Variants in NSMAF observed in about 807,000 individuals in gnomAD.
The protein encoded by NSMAF is neutral sphingomyelinase activation associated factor, also known as protein FAN.
A neutral mutation model predicts 134.9 loss-of-function variants in NSMAF; 90 were observed. The ratio of observed to expected loss-of-function variants is 0.67; its 90% confidence interval spans 0.56 to 0.79. NSMAF has a LOEUF of 0.79. Ranked by LOEUF, NSMAF falls within the 30% of genes least tolerant of loss-of-function variation. NSMAF has a pLI of 0.00. For missense variants in NSMAF, 1,010 were observed against 1,119.0 expected, an observed-to-expected ratio of 0.90 and a Z score of 1.39; for synonymous variants, 358 against 389.6, an observed-to-expected ratio of 0.92 and a Z score of 0.96.
chr8:58,645,042 C>T (rs1373226201), intron 1 of NSMAF, among the ~76,000 whole-genome samples: 1 of 151,484 alleles, frequency 6.6e-6, no homozygotes, highest in Non-Finnish European at 1.5e-5. Flanking sequence ...CAGCAAACCA[C>T]CATGGCACGT....
intron 1 of NSMAF, among the ~76,000 whole-genome samples, chr8:58,653,497 C>T (rs1807632297): frequency 6.6e-6 from 1 of 151,572 alleles, no homozygotes; most frequent in Admixed American, 6.6e-5. Flanking sequence ...TGGAAAATCC[C>T]ATACAAAGCA....
intron 2 of NSMAF, among the ~76,000 whole-genome samples, chr8:58,639,590 A>C (rs1585759174): frequency 6.6e-6 from 1 of 152,198 alleles, no homozygotes; most frequent in East Asian, 1.9e-4. Context: ...CTATCCAGCA[A>C]TCCCACTTCT....
Position 58,584,038 on chromosome 8 carries a change from G to C in NSMAF, c.*68C>G, listed in dbSNP as rs563487175. On this transcript the variant is annotated 3_prime_UTR_variant, in exon 31 of 31. Transcript: ENST00000038176. ...ACTAACATTGCACATTCACCAGTCC[G>C]TTTAAAAGTTTGGTTTAAAAATGCA... The C allele has an allele frequency of 6.8e-6, 8 of 1,183,718 alleles. No homozygotes were observed. Among genetic ancestry groups the C allele is most frequent in the African/African-American group, 1.5e-5 (1 of 66,410 alleles). The allele number at this position is 1,183,718 out of a possible 1,614,324, so 73.3% of individuals were successfully genotyped here. A position where few individuals can be genotyped will look rare whatever the true frequency, so the allele number is the denominator to read the frequency against.
intron 5 of NSMAF, among the ~76,000 whole-genome samples, chr8:58,633,335 G>A (rs1807099789): frequency 6.6e-6 from 1 of 152,250 alleles, no homozygotes; most frequent in South Asian, 2.1e-4. Flanking sequence ...CTCTGTACCT[G>A]GAATACCAGT....
chr8:58,635,145 G>C lies in NSMAF; in HGVS notation c.333+44C>G, dbSNP rs754820759. 3 of 1,401,758 alleles carry C rather than the reference G, an allele frequency of 2.1e-6. No homozygotes were observed. The Admixed American group carries it at 5.2e-5, about 24-fold the overall frequency. The allele number at this position is 1,401,758 out of a possible 1,614,324, so 86.8% of individuals were successfully genotyped here. On this transcript the variant is annotated intron_variant, in intron 5 of 30. Coordinates refer to ENST00000038176, the MANE Select transcript of NSMAF (RefSeq NM_003580.4). The stretch of plus-strand genomic sequence containing the variant: ...TAATTTCATTCATGCACATATATAA[G>C]AATGTTCATTCAGATTAGGAAAAAA...
chr8:58,598,666 T>G (rs1412100208), intron 19 of NSMAF, among the ~76,000 whole-genome samples: 1 of 152,102 alleles, frequency 6.6e-6, no homozygotes, highest in African/African-American at 2.4e-5. Flanking sequence ...AAAGACCTCT[T>G]GGGGCCAGGA....
intron 24 of NSMAF, among the ~76,000 whole-genome samples, 166 bp downstream of exon 24, chr8:58,590,701 A>T (rs983940306): frequency 6.6e-6 from 1 of 152,248 alleles, no homozygotes; most frequent in Non-Finnish European, 1.5e-5. Context: ...TAACCTGAAA[A>T]AAATTTTACA....
intron 10 of NSMAF, among the ~76,000 whole-genome samples, chr8:58,609,237 T>C (rs929859567): frequency 7.9e-5 from 12 of 152,202 alleles, no homozygotes; most frequent in Non-Finnish European, 1.8e-4. Flanking sequence ...AGCAAATATA[T>C]TTCAAAATCT....
intron 9 of NSMAF, among the ~76,000 whole-genome samples, chr8:58,617,723 T>C (rs1160832580): frequency 6.6e-6 from 1 of 152,136 alleles, no homozygotes; most frequent in Non-Finnish European, 1.5e-5. Context: ...GGAGTGTAAA[T>C]TAGTTCAACC....
At chr8:58,604,109 G>T (rs1481978957) in intron 12 of NSMAF, among the ~76,000 whole-genome samples, 2 of 152,132 alleles carry the variant, frequency 1.3e-5, no homozygotes, top group Non-Finnish European at 2.9e-5. Flanking sequence ...CTTTCCTGAT[G>T]CATTAAGCAT....
chr8:58,585,317 G>GTTTT (rs571525208), intron 30 of NSMAF, among the ~76,000 whole-genome samples: 2 of 144,330 alleles, frequency 1.4e-5, no homozygotes, highest in African/African-American at 5.1e-5. Context: ...TTGTTTCTGG[G>GTTTT]TTTTTTTTTT....
At chr8:58,585,168 T>A (rs1307921679) in intron 30 of NSMAF, among the ~76,000 whole-genome samples, 1 of 152,176 alleles carries the variant, frequency 6.6e-6, no homozygotes, top group Non-Finnish European at 1.5e-5. Context: ...CAGTTTATTA[T>A]ACTTCACATA....
chr8:58,611,836 G>A (rs931873510), intron 9 of NSMAF, among the ~76,000 whole-genome samples: 3 of 152,184 alleles, frequency 2.0e-5, no homozygotes, highest in Non-Finnish European at 4.4e-5. Flanking sequence ...GATTATAAAA[G>A]AAAAGACAGA....
intron 30 of NSMAF, among the ~76,000 whole-genome samples, chr8:58,585,043 A>T (rs144737228): frequency 2.6e-5 from 4 of 152,370 alleles, no homozygotes; most frequent in African/African-American, 9.6e-5. Context: ...AACAAGAGAC[A>T]CTAGAAGAAT....
intron 5 of NSMAF, among the ~76,000 whole-genome samples, chr8:58,631,836 C>G (rs990856553): frequency 2.0e-5 from 3 of 151,924 alleles, no homozygotes; most frequent in Admixed American, 6.6e-5. Context: ...ACCAAGTAAC[C>G]AAGCAGACAG....
intron 9 of NSMAF, 146 bp from the exon 10 acceptor site, chr8:58,609,879 TG>T: frequency 1.3e-6 from 1 of 753,296 alleles, no homozygotes; most frequent in Non-Finnish European, 2.1e-6. Flanking sequence ...ATAAATTGAT[TG>T]CTTAGATAAA....
intron 23 of NSMAF, 81 bp from the exon 24 acceptor site, chr8:58,591,015 T>C: frequency 6.9e-7 from 1 of 1,458,204 alleles, no homozygotes; most frequent in Non-Finnish European, 9.2e-7. Flanking sequence ...CTCTTCTTGT[T>C]CCTGGTGGCC....
chr8:58,623,145 T>TG, intron 9 of NSMAF, 75 bp downstream of exon 9: 1 of 1,140,678 alleles, frequency 8.8e-7, no homozygotes, highest in Non-Finnish European at 1.3e-6. Flanking sequence ...ACAGCAGGCT[T>TG]GGATTTGCTG....
At chr8:58,596,238 C>A (rs1806132530) in intron 21 of NSMAF, among the ~76,000 whole-genome samples, 2 of 152,284 alleles carry the variant, frequency 1.3e-5, no homozygotes, top group Admixed American at 6.5e-5. Context: ...CTAGAGTATT[C>A]TCTCTTAAAG....
Sources: gnomAD v4.1 joint callset for allele counts (sites outside exome capture counted in the v4.1 genomes callset) on GRCh38, gnomAD v4.1.1 for gene constraint, MANE v1.5 for transcripts, NCBI Gene and HGNC (gene_info 2026-07-23, HGNC 2026-07-21) for gene names.